TSHZ2: variants seen among roughly 807,000 people sequenced by gnomAD.
The protein encoded by TSHZ2 is teashirt homolog 2.
TSHZ2 carries 21 observed loss-of-function variants against 74.4 expected under a neutral mutation model. The ratio of observed to expected loss-of-function variants is 0.28; its 90% confidence interval spans 0.20 to 0.41. The LOEUF is 0.41. Among genes scored for constraint, TSHZ2 ranks in the 10% least tolerant of loss-of-function variants. The pLI, the probability that TSHZ2 is intolerant of heterozygous loss-of-function variation, is 1.00. For missense variants in TSHZ2, 1,244 were observed against 1,293.5 expected (o/e 0.96, Z 0.59); for synonymous variants, 540 against 515.3 (o/e 1.05, Z -0.65).
chr20:53,458,863 T>C (rs1411702644), intron 2 of TSHZ2, among the ~76,000 whole-genome samples: 1 of 152,108 alleles, frequency 6.6e-6, no homozygotes, highest in Admixed American at 6.5e-5. Flanking sequence ...TTCCATGTAG[T>C]TGAGCGGTTT....
chr20:53,411,497 T>G (rs1261514147), intron 2 of TSHZ2, among the ~76,000 whole-genome samples: 2 of 151,922 alleles, frequency 1.3e-5, no homozygotes, highest in Non-Finnish European at 2.9e-5. Context: ...TAACATAAGC[T>G]CTCTGAACCT....
chr20:53,084,129 C>T (rs1202522928), intron 1 of TSHZ2, among the ~76,000 whole-genome samples: 1 of 151,930 alleles, frequency 6.6e-6, no homozygotes, highest in Non-Finnish European at 1.5e-5. Context: ...ATTTTATAAC[C>T]CAGGAAAAGT....
intron 1 of TSHZ2, among the ~76,000 whole-genome samples, chr20:53,186,886 G>A (rs1052509249): frequency 2.0e-5 from 3 of 151,620 alleles, no homozygotes; most frequent in African/African-American, 7.3e-5. Context: ...TGTGTGCGCA[G>A]GGACACTAGG....
At chr20:53,308,255 C>G (rs1343019573) in intron 2 of TSHZ2, among the ~76,000 whole-genome samples, 1 of 152,160 alleles carries the variant, frequency 6.6e-6, no homozygotes, top group Admixed American at 6.6e-5. Context: ...GTCCTTTTTG[C>G]AGTCTCTGCT....
chr20:53,074,932 T>C lies in TSHZ2; in HGVS notation c.40+101599T>C, dbSNP rs568093535. Among the ~76,000 whole-genome samples, 1 of 152,310 alleles carries C rather than the reference T, an allele frequency of 6.6e-6. No individual in the cohort carries two copies. The highest frequency in any genetic ancestry group is 2.1e-4 in the South Asian group (1 of 4,828). On this transcript the variant is annotated intron_variant, in intron 1 of 2. Coordinates refer to ENST00000371497, the MANE Select transcript of TSHZ2 (RefSeq NM_173485.6). This position sits in a 1 kb window ranked among gnomAD's most constrained non-coding sequence, Gnocchi z 5.9. ...CTCCCAAGGTATTTGACCTTGCAGG[T>C]CAGTGTTTTTCCCACTCAACCACAG... is the stretch of plus-strand genomic sequence containing the variant.
intron 2 of TSHZ2, among the ~76,000 whole-genome samples, chr20:53,271,883 C>T (rs6063923): frequency 1.3e-5 from 2 of 152,166 alleles, no homozygotes; most frequent in Non-Finnish European, 2.9e-5. Context: ...ATGGCTTCTC[C>T]TTGGGTGCAC....
In TSHZ2 at chr20:53,074,577, CAATG is replaced by C; in HGVS notation, c.40+101247_40+101250del. Among the ~76,000 whole-genome samples, 1 of 152,084 alleles carries C rather than the reference CAATG, an allele frequency of 6.6e-6. No individual in the cohort carries two copies. The highest frequency in any genetic ancestry group is 1.9e-4 in the East Asian group (1 of 5,176). ...AAACAGCTGGACAAAACTTGCAAAA[CAATG>C]AAGAAAGGAAAGAAAATAGTGATTG... On this transcript the variant is annotated intron_variant, in intron 1 of 2. Transcript: ENST00000371497. The surrounding 1 kb of genome is among the most constrained non-coding windows in gnomAD (Gnocchi z 5.9).
intron 1 of TSHZ2, among the ~76,000 whole-genome samples, chr20:53,092,772 T>A (rs1985922366): frequency 6.6e-6 from 1 of 152,204 alleles, no homozygotes. Flanking sequence ...CTTTGTTGCA[T>A]CACGTTTGTT....
At chr20:53,167,804 C>T (rs758735595) in intron 1 of TSHZ2, among the ~76,000 whole-genome samples, 7 of 152,136 alleles carry the variant, frequency 4.6e-5, no homozygotes, top group East Asian at 1.9e-4. Flanking sequence ...TGGGGTATTA[C>T]GTCCCCCGTA....
In TSHZ2 at chr20:53,116,367, T is replaced by C. The variant is rs6123251; in HGVS notation, c.41-137132T>C. 5.4e-4 allele frequency among the ~76,000 whole-genome samples: 82 copies of C among 152,336 alleles called. No homozygotes were observed. The East Asian group carries it at 0.011, about 21-fold the overall frequency. On this transcript the variant is annotated intron_variant, in intron 1 of 2. Transcript: ENST00000371497. Reference sequence around the variant, plus strand: ...AGGTTCCTTTTGCAATGCAAATCTCTGTAAGAGAAGAATGTGATGGCTTCC... The same window carrying C: ...AGGTTCCTTTTGCAATGCAAATCTCCGTAAGAGAAGAATGTGATGGCTTCC...
At chr20:53,236,583 G>T (rs1244709381) in intron 1 of TSHZ2, among the ~76,000 whole-genome samples, 15 of 152,220 alleles carry the variant, frequency 9.9e-5, no homozygotes, top group Admixed American at 9.8e-4. Flanking sequence ...TGGGTCTGGG[G>T]TCTAATGAAC....
At chr20:53,112,325 A>G (rs1453795305) in intron 1 of TSHZ2, among the ~76,000 whole-genome samples, 1 of 152,212 alleles carries the variant, frequency 6.6e-6, no homozygotes, top group Non-Finnish European at 1.5e-5. Context: ...TCTTCAAGCC[A>G]GCAACCACAG....
At chr20:53,279,184 T>C (rs528818549) in intron 2 of TSHZ2, among the ~76,000 whole-genome samples, 21 of 152,286 alleles carry the variant, frequency 1.4e-4, no homozygotes, top group Admixed American at 1.1e-3. Context: ...TGGTTTGCTT[T>C]CTCAGAGGTG....
At chr20:53,051,553 A>G (rs903268236) in intron 1 of TSHZ2, among the ~76,000 whole-genome samples, 4 of 151,506 alleles carry the variant, frequency 2.6e-5, no homozygotes, top group Admixed American at 2.0e-4. Context: ...GCTGTAGAGA[A>G]CTAAAGAAAA....
chr20:53,377,082 GA>G (rs1981683823), intron 2 of TSHZ2, among the ~76,000 whole-genome samples: 1 of 152,216 alleles, frequency 6.6e-6, no homozygotes, highest in South Asian at 2.1e-4. Flanking sequence ...TTGGCCTCAT[GA>G]AAACAAGCGA....
chr20:53,027,398 T>G (rs962561215), intron 1 of TSHZ2, among the ~76,000 whole-genome samples: 42 of 152,182 alleles, frequency 2.8e-4, no homozygotes, highest in African/African-American at 9.9e-4. Context: ...CACATGCACC[T>G]TATGGTACTT....
chr20:53,459,516 G>A (rs550113059), intron 2 of TSHZ2, among the ~76,000 whole-genome samples: 1 of 144,400 alleles, frequency 6.9e-6, no homozygotes, highest in South Asian at 2.3e-4. Flanking sequence ...TATCCAATTT[G>A]CCAGTCTGTG....
chr20:53,238,589 C>T (rs1055291925), intron 1 of TSHZ2, among the ~76,000 whole-genome samples: 1 of 152,034 alleles, frequency 6.6e-6, no homozygotes, highest in Admixed American at 6.6e-5. Flanking sequence ...ATTTCACCTC[C>T]CTGCTCCTTA....
intron 2 of TSHZ2, among the ~76,000 whole-genome samples, chr20:53,358,247 T>C (rs1469259440): frequency 6.7e-6 from 1 of 148,890 alleles, no homozygotes; most frequent in East Asian, 2.0e-4. Flanking sequence ...ATTGTTTTCA[T>C]GCAGTTACTG....
Sources: gnomAD v4.1 joint callset for allele counts (sites outside exome capture counted in the v4.1 genomes callset) on GRCh38, gnomAD v4.1.1 for gene constraint, Gnocchi (gnomAD v3.1) non-coding constraint, MANE v1.5 for transcripts, NCBI Gene and HGNC (gene_info 2026-07-23, HGNC 2026-07-21) for gene names.